MED12L: variants seen among roughly 807,000 people sequenced by gnomAD.
The protein encoded by MED12L is mediator complex subunit 12L, also known as mediator of RNA polymerase II transcription subunit 12-like protein.
MED12L carries 60 observed loss-of-function variants against 281.3 expected under a neutral mutation model. The ratio of observed to expected loss-of-function variants is 0.21; its 90% confidence interval spans 0.17 to 0.26. The LOEUF is 0.26. MED12L is among the 10% of genes least tolerant of loss of function. The probability of loss-of-function intolerance (pLI) is 1.00; values close to 1 mark genes in which losing one functional copy is unlikely to be tolerated. For synonymous variants in MED12L, 974 were observed against 987.2 expected (o/e 0.99, Z 0.25); for missense variants, 2,146 against 2,680.9 (o/e 0.80, Z 4.41).
chr3:151,269,764 G>T, intron 16 of MED12L: 1 of 424,992 alleles, frequency 2.4e-6, no homozygotes, highest in South Asian at 1.8e-5. Context: ...TGAGAGTGGT[G>T]ATCTATTTTT....
At chr3:151,087,197 G>A (rs895298740) in intron 2 of MED12L, among the ~76,000 whole-genome samples, 172 bp downstream of exon 2, 1 of 152,236 alleles carries the variant, frequency 6.6e-6, no homozygotes, top group Non-Finnish European at 1.5e-5. Context: ...GGCGGAGACC[G>A]AGCGGCTGTC....
In MED12L at chr3:151,375,972, T is replaced by TATATATATATA. The variant is rs199649596; in HGVS notation, c.3865-45_3865-44insTAATATATATA. 295 of 900,420 alleles carry TATATATATATA rather than the reference T, an allele frequency of 3.3e-4. 2 individuals carry two copies. The African/African-American group carries it at 4.5e-3, about 14-fold the overall frequency. 55.8% of individuals were successfully genotyped at this position (900,420 alleles called of 1,614,324 possible). A position where few individuals can be genotyped will look rare whatever the true frequency, so the allele number is the denominator to read the frequency against. On this transcript the variant is annotated intron_variant, in intron 27 of 44. Transcript: ENST00000687756. The stretch of plus-strand genomic sequence containing the variant: ...CACTGTGGATTTAGTACATATTGCA[T>TATATATATATA]ATATATATACCGAAAGCCAGTGCCT...
chr3:151,238,058 G>T (rs755929713), intron 16 of MED12L, among the ~76,000 whole-genome samples: 1 of 151,960 alleles, frequency 6.6e-6, no homozygotes, highest in Admixed American at 6.6e-5. Context: ...TCAAATTATC[G>T]TTTTTTTCTT....
intron 16 of MED12L, among the ~76,000 whole-genome samples, chr3:151,318,940 C>T (rs1409342948): frequency 6.6e-6 from 1 of 152,150 alleles, no homozygotes; most frequent in Non-Finnish European, 1.5e-5. Flanking sequence ...GGATAGGATG[C>T]ACTTTTTCCT....
intron 16 of MED12L, among the ~76,000 whole-genome samples, chr3:151,248,562 C>T (rs1736211363): frequency 6.6e-6 from 1 of 152,136 alleles, no homozygotes; most frequent in Admixed American, 6.6e-5. Context: ...TGTCACTACC[C>T]ACATACCCAT....
In MED12L at chr3:151,294,787, G is replaced by T. The variant is rs1490789681; in HGVS notation, c.2251-55272G>T. ...ATAAAACCTTCGTGAAGGTTATGCT[G>T]TACATCCGAGAGTCCCCAAATGGCT... On this transcript the variant is annotated intron_variant, in intron 16 of 44. Transcript: ENST00000687756. 5.0e-6 allele frequency: 8 copies of T among 1,614,100 alleles called. No individual in the cohort carries two copies. In the South Asian group the frequency reaches 7.7e-5, roughly 16 times the overall value.
At chr3:151,269,775 A>G in intron 16 of MED12L, 1 of 423,712 alleles carries the variant, frequency 2.4e-6, no homozygotes, top group Admixed American at 2.8e-5. Context: ...ATCTATTTTT[A>G]GAGTCCACTG....
At chr3:151,130,648 T>C (rs767087234) in intron 5 of MED12L, among the ~76,000 whole-genome samples, 10 of 152,150 alleles carry the variant, frequency 6.6e-5, no homozygotes, top group Non-Finnish European at 1.3e-4. Flanking sequence ...AACTCAGAGC[T>C]CTGCTGACCT....
At chr3:151,156,084 C>T in intron 5 of MED12L, 77 bp from the exon 6 acceptor site, 1 of 1,255,576 alleles carries the variant, frequency 8.0e-7, no homozygotes, top group Non-Finnish European at 1.1e-6. Context: ...TCGAGATAAT[C>T]AGAATGGGGA....
intron 6 of MED12L, 25 bp downstream of exon 6, chr3:151,156,355 T>A (rs1560102443): frequency 6.4e-7 from 1 of 1,568,222 alleles, no homozygotes; most frequent in Non-Finnish European, 8.6e-7. Context: ...ACATGCAGAG[T>A]TGTGTGCAAT....
intron 18 of MED12L, 129 bp from the exon 19 acceptor site, chr3:151,355,767 C>T: frequency 1.5e-6 from 1 of 673,214 alleles, no homozygotes; most frequent in Non-Finnish European, 2.3e-6. Context: ...TCTATAGAAA[C>T]ACGTTTTGAC....
intron 9 of MED12L, 149 bp downstream of exon 9, chr3:151,164,191 T>C (rs1720380854): frequency 1.3e-6 from 1 of 783,672 alleles, no homozygotes; most frequent in African/African-American, 1.8e-5. Context: ...TAGAGAATTG[T>C]TTAGCCTCTT....
chr3:151,285,300 C>T (rs549849822), intron 16 of MED12L, among the ~76,000 whole-genome samples: 11 of 152,006 alleles, frequency 7.2e-5, no homozygotes, highest in South Asian at 2.1e-4. Flanking sequence ...CTGGCTAACA[C>T]GGTGAAACCC....
At chr3:151,225,848 T>A (rs1450652779) in intron 16 of MED12L, among the ~76,000 whole-genome samples, 2 of 152,250 alleles carry the variant, frequency 1.3e-5, no homozygotes, top group Non-Finnish European at 2.9e-5. Flanking sequence ...TGTCTTTTTC[T>A]CAGTTATTCT....
intron 16 of MED12L, among the ~76,000 whole-genome samples, chr3:151,333,913 AC>A (rs750710690): frequency 6.6e-6 from 1 of 151,926 alleles, no homozygotes; most frequent in Non-Finnish European, 1.5e-5. Context: ...CCCCGTCTCT[AC>A]TAAAAATAAG....
rs879742101 is a variant in MED12L at position 151,396,138 on chromosome 3, G to GA, written c.5820+1279dup. The stretch of plus-strand genomic sequence containing the variant: ...AATGATGAACATTTGATTAAAATAT[G>GA]AAAAAAAATTATTTAATTTGCCTAA... On this transcript the variant is annotated intron_variant, in intron 39 of 44. Coordinates refer to ENST00000687756, the MANE Select transcript of MED12L (RefSeq NM_001393769.1). Among the ~76,000 whole-genome samples the GA allele has an allele frequency of 3.9e-5, 6 of 152,042 alleles. No homozygotes were observed. In the South Asian group the frequency reaches 1.0e-3, roughly 26 times the overall value.
chr3:151,330,416 G>A (rs1354088013), intron 16 of MED12L, among the ~76,000 whole-genome samples: 1 of 152,172 alleles, frequency 6.6e-6, no homozygotes, highest in East Asian at 1.9e-4. Context: ...GCCAATATCT[G>A]TGCATTTTTT....
At chr3:151,151,477 AT>A (rs929306514) in intron 5 of MED12L, among the ~76,000 whole-genome samples, 1 of 150,654 alleles carries the variant, frequency 6.6e-6, no homozygotes, top group East Asian at 2.0e-4. Context: ...CTAGCTTTTG[AT>A]TTACAGTGAG....
intron 37 of MED12L, 146 bp from the exon 38 acceptor site, chr3:151,389,833 A>T: frequency 2.9e-6 from 2 of 678,118 alleles, no homozygotes; most frequent in Non-Finnish European, 4.9e-6. Flanking sequence ...ATTTATTAGC[A>T]CTCTTCCTTC....
Sources: allele counts gnomAD v4.1 joint callset (sites outside exome capture counted in the v4.1 genomes callset), GRCh38; gene constraint gnomAD v4.1.1; transcripts MANE v1.5; gene names NCBI Gene and HGNC (gene_info 2026-07-23, HGNC 2026-07-21).